RAI14: variants seen among roughly 807,000 people sequenced by gnomAD.
The protein encoded by RAI14 is ankycorbin.
Under a neutral mutation model 115.4 loss-of-function variants are expected in RAI14, and 45 were observed. That is an observed-to-expected ratio of 0.39 (90% confidence interval 0.31 to 0.50). The LOEUF (loss-of-function observed/expected upper bound fraction) is 0.50. Ranked by LOEUF, RAI14 falls within the 20% of genes least tolerant of loss-of-function variation. The pLI, the probability that RAI14 is intolerant of heterozygous loss-of-function variation, is 0.85. For missense variants in RAI14, 939 were observed against 1,131.2 expected (o/e 0.83, Z 2.44); for synonymous variants, 371 against 415.4 (o/e 0.89, Z 1.30).
In RAI14 at chr5:34,779,678, C is replaced by T. The variant is rs1751359176; in HGVS notation, c.168-16261C>T. ...AACTTACAAGGGATGTGAAGGACCT[C>T]TTCAAGGAGAATTACAAACCACTAC... On this transcript the variant is annotated intron_variant, in intron 3 of 17. Coordinates refer to ENST00000265109, the MANE Select transcript of RAI14 (RefSeq NM_015577.3). 2.0e-5 allele frequency among the ~76,000 whole-genome samples: 3 copies of T among 152,136 alleles called. No homozygotes were observed. The South Asian group carries it at 6.2e-4, about 32-fold the overall frequency.
chr5:34,703,326 T>G (rs950421571), intron 2 of RAI14, among the ~76,000 whole-genome samples: 1 of 152,218 alleles, frequency 6.6e-6, no homozygotes, highest in African/African-American at 2.4e-5. Context: ...TTTAAGGATA[T>G]TCAGCATAAA....
chr5:34,757,570 A>C lies in RAI14; in HGVS notation c.139A>C (p.Thr47Pro). 1 of 1,613,548 alleles carries C rather than the reference A, an allele frequency of 6.2e-7. No homozygotes were observed. Reference protein sequence around the residue: ...SLLGKKGASATKHDSEGKTAF... With the variant: ...SLLGKKGASAPKHDSEGKTAF... Reference sequence around the variant, plus strand: ...GCTCGGCAAGAAGGGGGCCAGTGCCACCAAACACGACAGTGAGGGCAAGAC... The same window carrying C: ...GCTCGGCAAGAAGGGGGCCAGTGCCCCCAAACACGACAGTGAGGGCAAGAC... The change falls in exon 3 of 18, where the codon ACC (threonine) becomes CCC (proline). Residue 47 changes from threonine (T) to proline (P), a missense_variant. Thr to Pro is a conservative substitution (Grantham distance 38). Coordinates refer to ENST00000265109, the MANE Select transcript of RAI14 (RefSeq NM_015577.3).
intron 3 of RAI14, among the ~76,000 whole-genome samples, chr5:34,776,798 C>CT (rs200849101): frequency 0.2 from 29,075 of 144,414 alleles, 4,192 homozygotes; most frequent in Non-Finnish European, 0.29. Context: ...CAGAGTGAGA[C>CT]CCTTTATTAA....
At chr5:34,774,408 T>G (rs1323209037) in intron 3 of RAI14, among the ~76,000 whole-genome samples, 1 of 151,974 alleles carries the variant, frequency 6.6e-6, no homozygotes, top group Non-Finnish European at 1.5e-5. Context: ...ATAAGCAAGT[T>G]CAGCAAAGTT....
chr5:34,781,147 T>C (rs1454226561), intron 3 of RAI14, among the ~76,000 whole-genome samples: 1 of 143,810 alleles, frequency 7.0e-6, no homozygotes, highest in African/African-American at 2.6e-5. Flanking sequence ...CCGCATGTTC[T>C]CACTTATAGG....
intron 3 of RAI14, among the ~76,000 whole-genome samples, chr5:34,767,928 A>T (rs1749633275): frequency 6.8e-6 from 1 of 147,334 alleles, no homozygotes; most frequent in Non-Finnish European, 1.5e-5. Flanking sequence ...CAGAAGGGAA[A>T]TGTAGGGCTG....
intron 5 of RAI14, among the ~76,000 whole-genome samples, chr5:34,807,087 G>T (rs1033432627): frequency 1.3e-5 from 2 of 152,156 alleles, no homozygotes; most frequent in Non-Finnish European, 2.9e-5. Context: ...TCACTGTTAG[G>T]ACCTCCGCAT....
intron 3 of RAI14, among the ~76,000 whole-genome samples, chr5:34,775,643 G>A (rs12652166): frequency 0.087 from 13,185 of 152,172 alleles, 980 homozygotes; most frequent in African/African-American, 0.2. Context: ...GCAAACAGGT[G>A]TACGAAAACA....
Position 34,829,746 on chromosome 5 carries a change from A to G in RAI14, c.2814A>G (p.Gln938=). The G allele has an allele frequency of 1.9e-6, 3 of 1,611,548 alleles. No homozygotes were observed. The highest frequency in any genetic ancestry group is 1.1e-5 in the South Asian group (1 of 90,682). The change falls in exon 17 of 18, where the codon CAA becomes CAG. Residue 938 remains glutamine (Q), a synonymous_variant. Coordinates refer to ENST00000265109, the MANE Select transcript of RAI14 (RefSeq NM_015577.3). ...TCCCTTTCTAGGAATGCAAGAAACA[A>G]CACCAGGAGGTCATATCAGTTTACA... ...LQNQLAECKK[Q]HQEVISVYRM... is the part of the protein sequence containing the mutation.
intron 3 of RAI14, among the ~76,000 whole-genome samples, chr5:34,788,583 T>G (rs1316835009): frequency 6.6e-6 from 1 of 152,206 alleles, no homozygotes; most frequent in Admixed American, 6.5e-5. Context: ...GCTATAGAAG[T>G]AGCAGTACTT....
chr5:34,801,279 C>G (rs1423014413), intron 4 of RAI14, among the ~76,000 whole-genome samples: 1 of 152,208 alleles, frequency 6.6e-6, no homozygotes, highest in Non-Finnish European at 1.5e-5. Context: ...AAAAATCTCT[C>G]CGTACAGCTG....
chr5:34,730,957 C>G (rs1744100662), intron 2 of RAI14, among the ~76,000 whole-genome samples: 2 of 152,108 alleles, frequency 1.3e-5, no homozygotes, highest in South Asian at 4.2e-4. Flanking sequence ...CACTCCCAGC[C>G]TGGGCAACAA....
At position 34,823,384 on chromosome 5, in the gene RAI14, A is replaced by G. The variant is rs1318805780; in HGVS notation, c.1542A>G (p.Glu514=). 61 of 1,614,002 alleles carry G rather than the reference A, an allele frequency of 3.8e-5. No individual in the cohort carries two copies. Among genetic ancestry groups the G allele is most frequent in the Non-Finnish European group, 5.1e-5 (60 of 1,180,034 alleles). ...KQMKLGLVSP[E]SMDNYSHFHE... ...TGAAACTCGGTCTTGTCTCACCTGA[A>G]AGCATGGATAATTATTCACATTTCC... Residue 514 remains glutamate (E), a synonymous_variant, in exon 15 of 18, where the codon GAA becomes GAG. Transcript: ENST00000265109. This position sits in a 1 kb window ranked among gnomAD's most constrained non-coding sequence, Gnocchi z 4.5.
Position 34,823,001 on chromosome 5 carries a change from T to C in RAI14, c.1159T>C (p.Tyr387His), listed in dbSNP as rs1373364817. The change falls in exon 15 of 18, where the codon TAC becomes CAC. Residue 387 changes from tyrosine to histidine, a missense_variant. Transcript: ENST00000265109. The surrounding 1 kb of genome is among the most constrained non-coding windows in gnomAD (Gnocchi z 4.5). ...GGAAGCAGACCTAAGCTTTGACTCA[T>C]ACCATTCCACCCAAACTGACTTGGG... ...EAEADLSFDSYHSTQTDLGPS... is the reference protein window; with the variant it reads ...EAEADLSFDSHHSTQTDLGPS... The C allele has an allele frequency of 1.2e-6, 2 of 1,614,084 alleles. No homozygotes were observed. Among genetic ancestry groups the C allele is most frequent in the Admixed American group, 3.3e-5 (2 of 60,002 alleles).
At chr5:34,662,361 G>A (rs2149840237) in intron 1 of RAI14, among the ~76,000 whole-genome samples, 1 of 152,280 alleles carries the variant, frequency 6.6e-6, no homozygotes, top group East Asian at 1.9e-4. Flanking sequence ...TAGCACTAAT[G>A]CATTGTTTCA....
chr5:34,759,670 GT>G (rs560616173), intron 3 of RAI14, among the ~76,000 whole-genome samples: 50 of 152,272 alleles, frequency 3.3e-4, no homozygotes, highest in African/African-American at 1.2e-3. Flanking sequence ...ACAGTGAGTT[GT>G]ATAATTATTT....
intron 2 of RAI14, among the ~76,000 whole-genome samples, chr5:34,710,654 T>A (rs1309024686): frequency 6.6e-6 from 1 of 152,192 alleles, no homozygotes; most frequent in African/African-American, 2.4e-5. Flanking sequence ...GGTCCTCTCC[T>A]TGAAGATTCT....
At chr5:34,768,469 C>T (rs753618903) in intron 3 of RAI14, among the ~76,000 whole-genome samples, 6 of 152,142 alleles carry the variant, frequency 3.9e-5, no homozygotes, top group Non-Finnish European at 5.9e-5. Context: ...CCATCTGATG[C>T]TCTCAATCAC....
chr5:34,787,062 C>A, intron 3 of RAI14, among the ~76,000 whole-genome samples: 1 of 152,324 alleles, frequency 6.6e-6, no homozygotes, highest in South Asian at 2.1e-4. Context: ...CGTCTTTAAG[C>A]GGTTTTCCGC....
Sources: allele counts gnomAD v4.1 joint callset (sites outside exome capture counted in the v4.1 genomes callset), GRCh38; gene constraint gnomAD v4.1.1; non-coding constraint Gnocchi (gnomAD v3.1); transcripts MANE v1.5; gene names NCBI Gene and HGNC (gene_info 2026-07-23, HGNC 2026-07-21).